HEMK2: variants seen among roughly 807,000 people sequenced by gnomAD.
HEMK2 encodes HemK methyltransferase 2, ETF1 glutamine and histone H4 lysine.
At chr21:28,771,522 C>CGCCCCCACCT in the HEMK2 span, among the ~76,000 whole-genome samples, 1 of 119,162 alleles carries the variant, frequency 8.4e-6, no homozygotes, top group African/African-American at 2.9e-5. Context: ...TGCACCACCC[C>CGCCCCCACCT]CCCCCGCCAA....
At chr21:28,841,221 TTATATATTATATATATTTA>T in the HEMK2 span, among the ~76,000 whole-genome samples, 1 of 9,910 alleles carries the variant, frequency 1.0e-4, no homozygotes, top group African/African-American at 7.6e-4. Flanking sequence ...ATTATATATA[TTATATATTATATATATTTA>T]TATATATAAT....
At chr21:28,622,485 A>C in the HEMK2 span, among the ~76,000 whole-genome samples, 1 of 152,214 alleles carries the variant, frequency 6.6e-6, no homozygotes, top group South Asian at 2.1e-4. Context: ...ACTACTTTAT[A>C]TTTCATATGG....
the HEMK2 span, among the ~76,000 whole-genome samples, chr21:28,723,288 T>C: frequency 1.3e-5 from 2 of 152,164 alleles, no homozygotes; most frequent in African/African-American, 4.8e-5. Flanking sequence ...AGTTCTGGGA[T>C]TACAGGCATG....
the HEMK2 span, among the ~76,000 whole-genome samples, chr21:28,709,474 C>T: frequency 2.0e-5 from 3 of 152,002 alleles, no homozygotes; most frequent in South Asian, 2.1e-4. Flanking sequence ...TATTTCCAAC[C>T]GGCTGTTATA....
At chr21:28,824,329 C>T in the HEMK2 span, among the ~76,000 whole-genome samples, 3 of 152,332 alleles carry the variant, frequency 2.0e-5, no homozygotes, top group South Asian at 6.2e-4. Context: ...GAAATCACTC[C>T]TATCTGAAGT....
the HEMK2 span, among the ~76,000 whole-genome samples, chr21:28,601,985 T>C: frequency 1.3e-5 from 2 of 152,230 alleles, no homozygotes; most frequent in African/African-American, 4.8e-5. Context: ...TAGTGAATTA[T>C]GCAATGCTTC....
chr21:28,732,917 A>T, the HEMK2 span, among the ~76,000 whole-genome samples: 4 of 152,134 alleles, frequency 2.6e-5, no homozygotes, highest in Non-Finnish European at 5.9e-5. Flanking sequence ...CCTCCAGAAT[A>T]AGGACTGTGC....
chr21:28,766,305 ATTT>A, the HEMK2 span, among the ~76,000 whole-genome samples: 10 of 148,496 alleles, frequency 6.7e-5, no homozygotes, highest in Admixed American at 1.3e-4. Flanking sequence ...AAGTATAATG[ATTT>A]TTTTTTTTTA....
At chr21:28,763,794 T>C in the HEMK2 span, among the ~76,000 whole-genome samples, 1 of 152,108 alleles carries the variant, frequency 6.6e-6, no homozygotes, top group African/African-American at 2.4e-5. Context: ...GCAGATGTGA[T>C]TGGTGCTTCC....
chr21:28,674,467 A>T, the HEMK2 span, among the ~76,000 whole-genome samples: 1 of 152,132 alleles, frequency 6.6e-6, no homozygotes, highest in African/African-American at 2.4e-5. Context: ...GCCCCAGTCA[A>T]AGACTCTCAA....
the HEMK2 span, among the ~76,000 whole-genome samples, chr21:28,864,457 T>C: frequency 6.6e-6 from 1 of 152,226 alleles, no homozygotes; most frequent in South Asian, 2.1e-4. Flanking sequence ...GCTTAATCTT[T>C]CCTGAAAACT....
chr21:28,596,746 G>A, the HEMK2 span, among the ~76,000 whole-genome samples: 3 of 152,122 alleles, frequency 2.0e-5, no homozygotes, highest in African/African-American at 7.2e-5. Context: ...AGTCTTGGCA[G>A]ATGGAAGATA....
the HEMK2 span, among the ~76,000 whole-genome samples, chr21:28,588,934 T>TA: frequency 7.0e-6 from 1 of 142,546 alleles, no homozygotes; most frequent in Non-Finnish European, 1.5e-5. Context: ...AGTGAGCAGA[T>TA]ATCACGCCAC....
At chr21:28,678,729 G>C in the HEMK2 span, among the ~76,000 whole-genome samples, 1 of 152,164 alleles carries the variant, frequency 6.6e-6, no homozygotes, top group African/African-American at 2.4e-5. Context: ...AAGAGAGTGG[G>C]GGCCAATGTC....
the HEMK2 span, among the ~76,000 whole-genome samples, chr21:28,765,490 G>A: frequency 6.6e-6 from 1 of 152,078 alleles, no homozygotes; most frequent in Admixed American, 6.6e-5. Context: ...CTATAATCTT[G>A]TATTGACTTA....
the HEMK2 span, among the ~76,000 whole-genome samples, chr21:28,676,529 T>C: frequency 9.2e-5 from 14 of 152,144 alleles, no homozygotes; most frequent in Non-Finnish European, 1.5e-4. Flanking sequence ...ATCAAAATCC[T>C]GAAAATACAG....
the HEMK2 span, among the ~76,000 whole-genome samples, chr21:28,651,788 C>G: frequency 1.3e-5 from 2 of 152,052 alleles, no homozygotes; most frequent in Non-Finnish European, 2.9e-5. Flanking sequence ...TATTAACATG[C>G]CATTATTTTG....
At chr21:28,603,549 A>G in the HEMK2 span, among the ~76,000 whole-genome samples, 1,667 of 135,788 alleles carry the variant, frequency 0.012, 38 homozygotes, top group African/African-American at 0.04. Context: ...GAGGATATAT[A>G]TGTGTGTGTG....
At chr21:28,610,123 C>A in the HEMK2 span, among the ~76,000 whole-genome samples, 1 of 151,992 alleles carries the variant, frequency 6.6e-6, no homozygotes, top group Admixed American at 6.6e-5. Flanking sequence ...TTTATAGTCA[C>A]GACAAAGGAA....
Sources: allele counts gnomAD v4.1 joint callset (sites outside exome capture counted in the v4.1 genomes callset), GRCh38; gene constraint gnomAD v4.1.1; transcripts MANE v1.5; gene names NCBI Gene and HGNC (gene_info 2026-07-23, HGNC 2026-07-21).